Variants in ADAM22 observed in about 807,000 individuals in gnomAD.
ADAM22 encodes ADAM metallopeptidase domain 22.
In ADAM22, 65 loss-of-function variants were observed where a neutral mutation model predicts 144.6. The observed-to-expected ratio is 0.45, with a 90% confidence interval of 0.37 to 0.55. The LOEUF is 0.55. Ranked by LOEUF, ADAM22 falls within the 20% of genes least tolerant of loss-of-function variation. ADAM22 has a pLI of 0.00. For missense variants in ADAM22, 974 were observed against 1,184.9 expected, an observed-to-expected ratio of 0.82 and a Z score of 2.61; for synonymous variants, 391 against 412.6, an observed-to-expected ratio of 0.95 and a Z score of 0.63.
At chr7:88,132,629 A>AT (rs933680390) in intron 11 of ADAM22, 1 of 374,878 alleles carries the variant, frequency 2.7e-6, no homozygotes, top group South Asian at 3.3e-5. Flanking sequence ...TCAACCAATT[A>AT]TTTTTTAATA....
chr7:88,030,039 C>G (rs1238626547), intron 3 of ADAM22, among the ~76,000 whole-genome samples: 1 of 152,066 alleles, frequency 6.6e-6, no homozygotes, highest in African/African-American at 2.4e-5. Context: ...CTGTTATTAT[C>G]CCTTTGAATA....
chr7:87,957,258 T>A (rs928291133), intron 2 of ADAM22, among the ~76,000 whole-genome samples: 26 of 152,354 alleles, frequency 1.7e-4, no homozygotes, highest in African/African-American at 5.0e-4. Context: ...ATGGTTGTGT[T>A]ACTTATCCCT....
chr7:88,025,226 G>A (rs182785273), intron 3 of ADAM22, among the ~76,000 whole-genome samples: 1 of 151,936 alleles, frequency 6.6e-6, no homozygotes, highest in East Asian at 1.9e-4. Context: ...GTTCCCTGAG[G>A]ATTTTTCTTA....
In ADAM22 at chr7:88,113,703, A is replaced by AATAAATCTATAT. The variant is rs1554478726; in HGVS notation, c.474-878_474-877insAATCTATATATA. Among the ~76,000 whole-genome samples the AATAAATCTATAT allele has an allele frequency of 3.1e-4, 15 of 48,106 alleles. 1 individual carries two copies. Among genetic ancestry groups the AATAAATCTATAT allele is most frequent in the Non-Finnish European group, 5.3e-4 (14 of 26,554 alleles). 31.6% of individuals were successfully genotyped at this position (48,106 alleles called of 152,430 possible). The stretch of plus-strand genomic sequence containing the variant: ...TATATATATTATAAATAAATAAATA[A>AATAAATCTATAT]ATATATATATATATATATATATATA... On this transcript the variant is annotated intron_variant, in intron 5 of 31. Transcript: ENST00000413139.
intron 3 of ADAM22, among the ~76,000 whole-genome samples, chr7:88,075,234 A>G (rs748155475): frequency 2.0e-5 from 3 of 152,200 alleles, no homozygotes; most frequent in Non-Finnish European, 4.4e-5. Context: ...AAAATATCAC[A>G]TATAACACAT....
At chr7:88,078,622 C>A (rs886893099) in intron 4 of ADAM22, among the ~76,000 whole-genome samples, 1 of 152,130 alleles carries the variant, frequency 6.6e-6, no homozygotes, top group African/African-American at 2.4e-5. Context: ...GAATGGATAA[C>A]TAGAATAACC....
rs146746565 is a variant in ADAM22 at position 88,035,282 on chromosome 7, C to G, written c.324-40344C>G. ...CTTTCTTTTCACTTATTAATATATA[C>G]AAATCCAAGAGAAAGGAGTTTGTTG... On this transcript the variant is annotated intron_variant, in intron 3 of 31. Coordinates refer to ENST00000413139, the MANE Select transcript of ADAM22 (RefSeq NM_001324418.2). Among the ~76,000 whole-genome samples, 739 of 152,338 alleles carry G rather than the reference C, an allele frequency of 4.9e-3. 3 individuals carry two copies. Among genetic ancestry groups the G allele is most frequent in the Middle Eastern group, 0.02 (6 of 294 alleles).
chr7:88,062,530 C>T (rs1204746015), intron 3 of ADAM22, among the ~76,000 whole-genome samples: 3 of 152,186 alleles, frequency 2.0e-5, no homozygotes, highest in African/African-American at 7.2e-5. Flanking sequence ...CTATCTAGAC[C>T]ACTAAAACTT....
At position 87,935,179 on chromosome 7, in the gene ADAM22, G is replaced by A. The variant is rs754447649; in HGVS notation, c.239G>A (p.Gly80Asp). Residue 80 changes from glycine (G) to aspartate (D), a missense_variant, in exon 2 of 32, where the codon GGC becomes GAC. Around this residue, in one of 2 missense-constraint regions of ADAM22, gnomAD observed 240 missense variants for 234.3 expected, o/e 1.02. Coordinates refer to ENST00000413139, the MANE Select transcript of ADAM22 (RefSeq NM_001324418.2). ...LDTRVRGDLG[G>D]PQLTHVDQAS... ...ACGCGGGTGCGGGGCGACCTCGGTGGCCCGCAGGTGAGAGGCTCGGTCCGG... is the reference window on the plus strand; with the variant it reads ...ACGCGGGTGCGGGGCGACCTCGGTGACCCGCAGGTGAGAGGCTCGGTCCGG... 3.7e-6 allele frequency: 6 copies of A among 1,604,070 alleles called. No homozygotes were observed. In the Admixed American group the frequency reaches 5.1e-5, roughly 14 times the overall value.
chr7:87,983,315 A>G (rs1392064053), intron 3 of ADAM22, among the ~76,000 whole-genome samples: 1 of 151,716 alleles, frequency 6.6e-6, no homozygotes, highest in Non-Finnish European at 1.5e-5. Flanking sequence ...TGTATTTTTT[A>G]AAATGTTAAG....
At chr7:88,141,550 A>ACAT (rs1393492858) in intron 14 of ADAM22, among the ~76,000 whole-genome samples, 7 of 152,064 alleles carry the variant, frequency 4.6e-5, no homozygotes, top group Admixed American at 4.6e-4. Flanking sequence ...TTCCCTTTTT[A>ACAT]TCAAAGCTCA....
intron 4 of ADAM22, among the ~76,000 whole-genome samples, chr7:88,077,705 C>A (rs532176207): frequency 3.6e-4 from 55 of 152,318 alleles, no homozygotes; most frequent in South Asian, 8.3e-4. Flanking sequence ...TATCCCACAC[C>A]TGGCTCAGAG....
At chr7:88,055,781 T>C (rs1808090122) in intron 3 of ADAM22, among the ~76,000 whole-genome samples, 1 of 152,154 alleles carries the variant, frequency 6.6e-6, no homozygotes, top group South Asian at 2.1e-4. Context: ...TTCATAACGC[T>C]TTTCGTTTAT....
At chr7:87,966,414 T>C (rs889347433) in intron 2 of ADAM22, among the ~76,000 whole-genome samples, 10 of 152,178 alleles carry the variant, frequency 6.6e-5, no homozygotes, top group Middle Eastern at 3.2e-3. Context: ...AGGCCTTAAA[T>C]TGAAGGCCTA....
At chr7:88,017,304 G>GT (rs1369529786) in intron 3 of ADAM22, among the ~76,000 whole-genome samples, 2 of 152,144 alleles carry the variant, frequency 1.3e-5, no homozygotes, top group African/African-American at 4.8e-5. Context: ...AATGGCAAAT[G>GT]TTTAAGGTGA....
Position 88,127,724 on chromosome 7 carries a change from C to G in ADAM22, c.679-878C>G, listed in dbSNP as rs953189830. Among the ~76,000 whole-genome samples, 78 of 152,012 alleles carry G rather than the reference C, an allele frequency of 5.1e-4. 1 individual carries two copies. Among genetic ancestry groups the G allele is most frequent in the African/African-American group, 1.8e-3 (74 of 41,500 alleles). On this transcript the variant is annotated intron_variant, in intron 8 of 31. Transcript: ENST00000413139. ...ATTGATTTAAGTTTGATTGTATACC[C>G]TTATCGCAAAAATGGACCTTGGGCA...
intron 30 of ADAM22, 81 bp from the exon 31 acceptor site, chr7:88,193,035 T>C: frequency 3.2e-6 from 5 of 1,554,608 alleles, no homozygotes; most frequent in Non-Finnish European, 3.5e-6. Flanking sequence ...AGTCAGAGGG[T>C]TTGTTCTGAA....
intron 2 of ADAM22, among the ~76,000 whole-genome samples, chr7:87,972,755 A>G (rs1010097801): frequency 6.6e-6 from 1 of 152,198 alleles, no homozygotes; most frequent in African/African-American, 2.4e-5. Context: ...CTATAGATCA[A>G]TGGAACAGAA....
chr7:88,059,884 GA>G (rs1444967963), intron 3 of ADAM22, among the ~76,000 whole-genome samples: 2 of 152,038 alleles, frequency 1.3e-5, no homozygotes, highest in African/African-American at 4.8e-5. Context: ...AAGGGATGGG[GA>G]CAAACGTTGA....
Sources: gnomAD v4.1 joint callset for allele counts (sites outside exome capture counted in the v4.1 genomes callset) on GRCh38, gnomAD v4.1.1 for gene constraint, gnomAD v4.1.1 regional missense constraint, MANE v1.5 for transcripts, NCBI Gene and HGNC (gene_info 2026-07-23, HGNC 2026-07-21) for gene names.